NR3C2: variants seen among roughly 807,000 people sequenced by gnomAD.
NR3C2 encodes the protein mineralocorticoid receptor.
A neutral mutation model predicts 86.4 loss-of-function variants in NR3C2; 15 were observed. The ratio of observed to expected loss-of-function variants is 0.17; its 90% confidence interval spans 0.12 to 0.27. The LOEUF (loss-of-function observed/expected upper bound fraction) is 0.27, where lower values mean the gene tolerates loss of function less well. Ranked by LOEUF, NR3C2 falls within the 10% of genes least tolerant of loss-of-function variation. The pLI is 1.00. For synonymous variants in NR3C2, 458 were observed against 450.5 expected, an observed-to-expected ratio of 1.02 and a Z score of -0.21; for missense variants, 960 against 1,195.6, an observed-to-expected ratio of 0.80 and a Z score of 2.91.
chr4:148,144,203 CTTT>C (rs201466117), intron 6 of NR3C2, among the ~76,000 whole-genome samples: 1 of 151,854 alleles, frequency 6.6e-6, no homozygotes, highest in Admixed American at 6.6e-5. Context: ...CTGGAAATGA[CTTT>C]TTTTTTCTTT....
intron 2 of NR3C2, among the ~76,000 whole-genome samples, chr4:148,272,814 C>G (rs1188680582): frequency 1.3e-5 from 2 of 151,942 alleles, no homozygotes; most frequent in Non-Finnish European, 1.5e-5. Context: ...GGATACATAT[C>G]AAAGCAAACA....
At chr4:148,161,219 G>C (rs1210679964) in intron 4 of NR3C2, among the ~76,000 whole-genome samples, 5 of 152,174 alleles carry the variant, frequency 3.3e-5, no homozygotes, top group Non-Finnish European at 7.3e-5. Flanking sequence ...AATATTCTCA[G>C]ATTAATCTAC....
chr4:148,332,207 A>C (rs2149969521), intron 2 of NR3C2, among the ~76,000 whole-genome samples: 1 of 152,344 alleles, frequency 6.6e-6, no homozygotes, highest in Admixed American at 6.5e-5. Context: ...AAACTCAGAA[A>C]AAGAAATATG....
At chr4:148,292,840 T>C (rs558127185) in intron 2 of NR3C2, among the ~76,000 whole-genome samples, 2 of 152,206 alleles carry the variant, frequency 1.3e-5, no homozygotes, top group East Asian at 3.9e-4. Context: ...TTAAAGTCTA[T>C]AGAAAAATAG....
intron 2 of NR3C2, among the ~76,000 whole-genome samples, chr4:148,377,116 A>G (rs1335381781): frequency 6.6e-6 from 1 of 152,188 alleles, no homozygotes; most frequent in Non-Finnish European, 1.5e-5. Flanking sequence ...TCTGGTAGGG[A>G]AGGAAGACAA....
intron 2 of NR3C2, among the ~76,000 whole-genome samples, chr4:148,289,558 A>G (rs1015348632): frequency 6.6e-6 from 1 of 152,204 alleles, no homozygotes; most frequent in Non-Finnish European, 1.5e-5. Flanking sequence ...ATGACTGACA[A>G]TCATAAAGAC....
At chr4:148,194,521 G>C (rs1197402134) in intron 4 of NR3C2, among the ~76,000 whole-genome samples, 1 of 151,970 alleles carries the variant, frequency 6.6e-6, no homozygotes, top group Non-Finnish European at 1.5e-5. Flanking sequence ...GCAAACTCAG[G>C]CTCGAAAAAT....
At chr4:148,127,844 T>C (rs1383296891) in intron 6 of NR3C2, among the ~76,000 whole-genome samples, 1 of 152,248 alleles carries the variant, frequency 6.6e-6, no homozygotes, top group Non-Finnish European at 1.5e-5. Flanking sequence ...CCAATTTTAT[T>C]TGTAGCTATA....
intron 2 of NR3C2, among the ~76,000 whole-genome samples, chr4:148,405,734 C>A: frequency 6.6e-6 from 1 of 152,216 alleles, no homozygotes. Flanking sequence ...CTGCTTCATA[C>A]GCAAAGGGCA....
chr4:148,239,903 G>C (rs1030281670), intron 3 of NR3C2, among the ~76,000 whole-genome samples: 4 of 151,912 alleles, frequency 2.6e-5, no homozygotes, highest in African/African-American at 9.7e-5. Flanking sequence ...ATCATGATGG[G>C]GTCTGGTTTT....
intron 3 of NR3C2, among the ~76,000 whole-genome samples, chr4:148,247,626 C>T (rs918622400): frequency 1.3e-5 from 2 of 150,652 alleles, no homozygotes; most frequent in African/African-American, 4.9e-5. Context: ...ATCTAGTATC[C>T]GTGGGCCTTT....
At chr4:148,306,835 T>C (rs75201570) in intron 2 of NR3C2, among the ~76,000 whole-genome samples, 2,145 of 152,298 alleles carry the variant, frequency 0.014, 54 homozygotes, top group African/African-American at 0.049. Context: ...ATATATCTTA[T>C]GGGGCAAATG....
chr4:148,144,764 C>A (rs907095287), intron 6 of NR3C2, among the ~76,000 whole-genome samples: 7 of 152,198 alleles, frequency 4.6e-5, no homozygotes, highest in East Asian at 1.9e-4. Flanking sequence ...CTAAACACTA[C>A]TTTTGTAGTA....
intron 8 of NR3C2, among the ~76,000 whole-genome samples, chr4:148,082,625 A>C (rs1034219583): frequency 1.3e-5 from 2 of 150,940 alleles, no homozygotes; most frequent in African/African-American, 2.4e-5. Flanking sequence ...TTCAAGCACA[A>C]AACTGGGCAC....
chr4:148,345,496 C>A (rs933988108), intron 2 of NR3C2, among the ~76,000 whole-genome samples: 1 of 151,888 alleles, frequency 6.6e-6, no homozygotes, highest in Non-Finnish European at 1.5e-5. Context: ...AATAATACAA[C>A]CTCTATCTTA....
intron 2 of NR3C2, among the ~76,000 whole-genome samples, chr4:148,374,530 CTG>C (rs1474969097): frequency 6.6e-6 from 1 of 152,094 alleles, no homozygotes; most frequent in Non-Finnish European, 1.5e-5. Context: ...ACAGGTGAAA[CTG>C]TACATGAAAA....
intron 2 of NR3C2, among the ~76,000 whole-genome samples, chr4:148,361,452 C>G (rs1319169445): frequency 2.0e-5 from 3 of 152,184 alleles, no homozygotes; most frequent in Non-Finnish European, 4.4e-5. Context: ...AATGAGACTG[C>G]CAGATTGAAC....
chr4:148,168,792 T>C (rs561180744), intron 4 of NR3C2, among the ~76,000 whole-genome samples: 26 of 152,280 alleles, frequency 1.7e-4, no homozygotes, highest in African/African-American at 6.3e-4. Flanking sequence ...CAAAGTTAGA[T>C]GACAAAGTTA....
intron 2 of NR3C2, among the ~76,000 whole-genome samples, chr4:148,417,607 T>A (rs1749076124): frequency 6.6e-6 from 1 of 152,234 alleles, no homozygotes; most frequent in African/African-American, 2.4e-5. Context: ...AAAGTTATAA[T>A]CTAAGACACT....
Sources: gnomAD v4.1 joint callset for allele counts (sites outside exome capture counted in the v4.1 genomes callset) on GRCh38, gnomAD v4.1.1 for gene constraint, MANE v1.5 for transcripts, NCBI Gene and HGNC (gene_info 2026-07-23, HGNC 2026-07-21) for gene names.